Variants in EXOC4 observed in about 807,000 individuals in gnomAD.
EXOC4 encodes exocyst complex component 4.
A neutral mutation model predicts 107.2 loss-of-function variants in EXOC4; 71 were observed. The observed-to-expected ratio is 0.66, with a 90% CI of 0.55 to 0.81. The LOEUF (loss-of-function observed/expected upper bound fraction) is 0.81, where lower values mean the gene tolerates loss of function less well. Among genes scored for constraint, EXOC4 ranks in the 30% least tolerant of loss-of-function variants. The probability of loss-of-function intolerance (pLI) is 0.00; values close to 1 mark genes in which losing one functional copy is unlikely to be tolerated. For missense variants in EXOC4, 1,108 were observed against 1,189.6 expected (o/e 0.93, Z 1.01); for synonymous variants, 456 against 441.2 (o/e 1.03, Z -0.42).
At chr7:133,778,186 C>T (rs1484630037) in intron 10 of EXOC4, among the ~76,000 whole-genome samples, 1 of 152,180 alleles carries the variant, frequency 6.6e-6, no homozygotes, top group African/African-American at 2.4e-5. Flanking sequence ...CCTACTCCAT[C>T]TCTTGATGCT....
intron 1 of EXOC4, among the ~76,000 whole-genome samples, chr7:133,260,808 T>C (rs1385643549): frequency 2.6e-5 from 4 of 152,170 alleles, no homozygotes; most frequent in Non-Finnish European, 4.4e-5. Context: ...TGTGTGTGTG[T>C]ATAGATTTTA....
chr7:133,425,213 G>A (rs957248924), intron 7 of EXOC4, among the ~76,000 whole-genome samples: 1 of 152,118 alleles, frequency 6.6e-6, no homozygotes, highest in African/African-American at 2.4e-5. Flanking sequence ...TCGGTAGTCT[G>A]GGGAATGTAA....
chr7:133,907,157 G>A (rs1242033015), intron 12 of EXOC4, among the ~76,000 whole-genome samples: 1 of 152,086 alleles, frequency 6.6e-6, no homozygotes, highest in Non-Finnish European at 1.5e-5. Context: ...TCCTAACACT[G>A]ATATATATTC....
intron 11 of EXOC4, among the ~76,000 whole-genome samples, chr7:133,845,184 G>A (rs1563023902): frequency 1.3e-5 from 2 of 151,974 alleles, no homozygotes; most frequent in East Asian, 3.9e-4. Context: ...GCTTTATGTT[G>A]CTTTTCTAGT....
chr7:133,489,936 C>T (rs1185630758), intron 9 of EXOC4, among the ~76,000 whole-genome samples: 7 of 152,106 alleles, frequency 4.6e-5, no homozygotes, highest in Non-Finnish European at 7.4e-5. Context: ...CCAACATGGA[C>T]GTGTAATTTA....
At chr7:133,934,941 A>T (rs1291454420) in intron 13 of EXOC4, among the ~76,000 whole-genome samples, 2 of 150,700 alleles carry the variant, frequency 1.3e-5, no homozygotes, top group Non-Finnish European at 3.0e-5. Context: ...TTGGGATGAC[A>T]TCTCGTATGC....
intron 2 of EXOC4, among the ~76,000 whole-genome samples, chr7:133,285,832 T>A (rs1794263387): frequency 6.6e-6 from 1 of 151,836 alleles, no homozygotes. Flanking sequence ...CTATCATGCC[T>A]CTCTGCAGTC....
downstream of EXOC4, among the ~76,000 whole-genome samples, chr7:134,067,636 TATACAC>T (rs1459891335): frequency 1.3e-3 from 171 of 129,164 alleles, 2 homozygotes; most frequent in Admixed American, 7.3e-4. Context: ...TATATATATA[TATACAC>T]ACACACACAC....
rs149909950 is a variant in EXOC4 at position 133,298,266 on chromosome 7, G to GT, written c.472-7610dup. On this transcript the variant is annotated intron_variant, in intron 3 of 17. Transcript: ENST00000253861. ...ATAGTTCACGTTAGTAAAGAGCTGT[G>GT]TAAGTGCTGAGCATTTCTAATGGAT... Among the ~76,000 whole-genome samples the GT allele has an allele frequency of 3.5e-3, 536 of 152,286 alleles. 14 individuals carry two copies. The East Asian group carries it at 0.05, about 14-fold the overall frequency.
intron 9 of EXOC4, among the ~76,000 whole-genome samples, chr7:133,557,648 T>C (rs1252752166): frequency 1.3e-5 from 2 of 152,230 alleles, no homozygotes; most frequent in East Asian, 3.8e-4. Context: ...TAAAAGTCTT[T>C]CTGATCCTAA....
At chr7:133,454,047 T>G (rs1453073760) in intron 7 of EXOC4, among the ~76,000 whole-genome samples, 1 of 152,216 alleles carries the variant, frequency 6.6e-6, no homozygotes, top group African/African-American at 2.4e-5. Flanking sequence ...AATTTATGAT[T>G]AAGTTTTAAA....
intron 11 of EXOC4, among the ~76,000 whole-genome samples, chr7:133,820,031 T>G (rs759374611): frequency 2.6e-5 from 4 of 152,202 alleles, no homozygotes; most frequent in Non-Finnish European, 5.9e-5. Flanking sequence ...AACTCCAGCT[T>G]TACCTGTTCT....
intron 14 of EXOC4, among the ~76,000 whole-genome samples, chr7:133,948,475 T>C (rs10246171): frequency 0.31 from 47,254 of 152,012 alleles, 7,799 homozygotes; most frequent in Non-Finnish European, 0.36. Context: ...TAGAAAAATG[T>C]TCTAAATATA....
chr7:133,519,356 G>C (rs1261991650), intron 9 of EXOC4, among the ~76,000 whole-genome samples: 2 of 152,092 alleles, frequency 1.3e-5, no homozygotes, highest in African/African-American at 4.8e-5. Flanking sequence ...CCAGGAGGTC[G>C]AGGCTGCAGT....
intron 10 of EXOC4, among the ~76,000 whole-genome samples, chr7:133,645,160 C>T (rs867772806): frequency 2.7e-5 from 4 of 147,684 alleles, no homozygotes; most frequent in Middle Eastern, 3.7e-3. Flanking sequence ...GGCATGATCT[C>T]GGCTCACTGC....
chr7:133,729,722 G>A lies in EXOC4; in HGVS notation c.1515-87603G>A, dbSNP rs149784229. On this transcript the variant is annotated intron_variant, in intron 10 of 17. Transcript: ENST00000253861. Reference sequence around the variant, plus strand: ...TAGTTAGTTATAGATTTTTCTTTTAGAGTATTTTTCAAACTTCCTTATTTT... The same window carrying A: ...TAGTTAGTTATAGATTTTTCTTTTAAAGTATTTTTCAAACTTCCTTATTTT... Among the ~76,000 whole-genome samples the A allele has an allele frequency of 6.1e-3, 932 of 152,122 alleles. 11 individuals carry two copies. The highest frequency in any genetic ancestry group is 0.021 in the African/African-American group (890 of 41,534).
At chr7:133,942,489 C>T (rs962753552) in intron 14 of EXOC4, among the ~76,000 whole-genome samples, 22 of 152,086 alleles carry the variant, frequency 1.4e-4, no homozygotes, top group African/African-American at 4.6e-4. Flanking sequence ...ATTAGTTATA[C>T]AATTATTTAT....
chr7:133,805,948 C>G (rs1361091634), intron 10 of EXOC4, among the ~76,000 whole-genome samples: 1 of 152,164 alleles, frequency 6.6e-6, no homozygotes, highest in African/African-American at 2.4e-5. Flanking sequence ...TTTGTAAGAA[C>G]CTGAATTAGT....
At chr7:133,442,839 G>A (rs1239099418) in intron 7 of EXOC4, among the ~76,000 whole-genome samples, 1 of 152,058 alleles carries the variant, frequency 6.6e-6, no homozygotes, top group Non-Finnish European at 1.5e-5. Context: ...AAAGAATGGT[G>A]GTCCCATTTG....
Sources: gnomAD v4.1 joint callset for allele counts (sites outside exome capture counted in the v4.1 genomes callset) on GRCh38, gnomAD v4.1.1 for gene constraint, MANE v1.5 for transcripts, NCBI Gene and HGNC (gene_info 2026-07-23, HGNC 2026-07-21) for gene names.